The following BCAS3 variants were observed in gnomAD, a reference collection of about 807,000 sequenced individuals.
BCAS3 encodes the protein BCAS4/BCAS3 fusion.
Under a neutral mutation model 116.1 loss-of-function variants are expected in BCAS3, and 53 were observed. That is an observed-to-expected ratio of 0.46 (90% CI 0.37 to 0.57). BCAS3 has a LOEUF of 0.57. Ranked by LOEUF, BCAS3 falls within the 20% of genes least tolerant of loss-of-function variation. The pLI, the probability that BCAS3 is intolerant of heterozygous loss-of-function variation, is 0.00. For synonymous variants in BCAS3, 391 were observed against 408.2 expected (o/e 0.96, Z 0.51); for missense variants, 917 against 1,165.4 (o/e 0.79, Z 3.10).
Position 60,998,181 on chromosome 17 carries a change from CT to C in BCAS3, c.1486+7953del, listed in dbSNP as rs376226030. ...TTGCTGCAAAGGACACGATTTTATT[CT>C]TTTTTTATGGCTGCATAGTATTCCG... On this transcript the variant is annotated intron_variant, in intron 15 of 23. Coordinates refer to ENST00000407086, the MANE Select transcript of BCAS3 (RefSeq NM_017679.5). Among the ~76,000 whole-genome samples, 896 of 152,240 alleles carry C rather than the reference CT, an allele frequency of 5.9e-3. 13 individuals carry two copies. The highest frequency in any genetic ancestry group is 0.02 in the African/African-American group (850 of 41,546).
chr17:61,152,909 A>G (rs1254840210), intron 22 of BCAS3, among the ~76,000 whole-genome samples: 1 of 152,120 alleles, frequency 6.6e-6, no homozygotes, highest in African/African-American at 2.4e-5. Context: ...TTAAACTGTT[A>G]TTTTTGTACT....
chr17:61,145,170 A>C lies in BCAS3; in HGVS notation c.2425+60606A>C, dbSNP rs1432914789. The stretch of plus-strand genomic sequence containing the variant: ...ACTCGGAAATGGCAGCATTTTTCAA[A>C]GCTTCCTCCCACTGATGGCTGAAAT... On this transcript the variant is annotated intron_variant, in intron 22 of 23. Transcript: ENST00000407086. The surrounding 1 kb of genome is among the most constrained non-coding windows in gnomAD (Gnocchi z 5.0). Among the ~76,000 whole-genome samples, 1 of 152,178 alleles carries C rather than the reference A, an allele frequency of 6.6e-6. No homozygotes were observed. Among genetic ancestry groups the C allele is most frequent in the Non-Finnish European group, 1.5e-5 (1 of 68,018 alleles).
At chr17:61,143,689 A>G (rs911128746) in intron 22 of BCAS3, among the ~76,000 whole-genome samples, 1 of 152,138 alleles carries the variant, frequency 6.6e-6, no homozygotes, top group Non-Finnish European at 1.5e-5. Context: ...TGTGCATGTA[A>G]TCCCAGGTAC....
At chr17:61,170,646 T>G (rs886713381) in intron 22 of BCAS3, among the ~76,000 whole-genome samples, 2 of 152,150 alleles carry the variant, frequency 1.3e-5, no homozygotes. Context: ...AGGATAGTTA[T>G]CCCTGAAAGA....
chr17:60,955,040 G>A (rs1292252444), intron 14 of BCAS3, among the ~76,000 whole-genome samples: 1 of 151,880 alleles, frequency 6.6e-6, no homozygotes, highest in East Asian at 1.9e-4. Flanking sequence ...CCCCATTATA[G>A]TACTTATTAT....
At chr17:60,992,264 T>C (rs1056434249) in intron 15 of BCAS3, among the ~76,000 whole-genome samples, 1 of 149,492 alleles carries the variant, frequency 6.7e-6, no homozygotes, top group Admixed American at 6.7e-5. Context: ...ACTGAAAAAA[T>C]ATAGGTAAAT....
rs1438851937 is a variant in BCAS3, at chr17:61,118,169, G to A, written c.2425+33605G>A. 2.0e-5 allele frequency among the ~76,000 whole-genome samples: 3 copies of A among 152,142 alleles called. No individual in the cohort carries two copies. The highest frequency in any genetic ancestry group is 4.4e-5 in the Non-Finnish European group (3 of 68,032). On this transcript the variant is annotated intron_variant, in intron 22 of 23. Transcript: ENST00000407086. The surrounding 1 kb of genome is among the most constrained non-coding windows in gnomAD (Gnocchi z 5.0). ...GCTTTCTCTGGTATCACAATGGCAG[G>A]GGAAGTAGGATGTTCTACCTCGTTT...
At position 61,162,267 on chromosome 17, in the gene BCAS3, CCTAG is replaced by C. The variant is rs1328993673; in HGVS notation, c.2425+77704_2425+77707del. ...GTATGGTTCACATAGGAAGTGGGAGCCTAGTTAAGATTCCGATTCTCTGTGGGAT... is the reference window on the plus strand; with the variant it reads ...GTATGGTTCACATAGGAAGTGGGAGCTTAAGATTCCGATTCTCTGTGGGAT... On this transcript the variant is annotated intron_variant, in intron 22 of 23. Coordinates refer to ENST00000407086, the MANE Select transcript of BCAS3 (RefSeq NM_017679.5). The surrounding 1 kb of genome is among the most constrained non-coding windows in gnomAD (Gnocchi z 5.6). Among the ~76,000 whole-genome samples the C allele has an allele frequency of 1.3e-5, 2 of 151,940 alleles. No individual in the cohort carries two copies. Among genetic ancestry groups the C allele is most frequent in the African/African-American group, 4.8e-5 (2 of 41,360 alleles).
At chr17:61,155,494 C>CA (rs11327492) in intron 22 of BCAS3, among the ~76,000 whole-genome samples, 44 of 125,410 alleles carry the variant, frequency 3.5e-4, no homozygotes, top group African/African-American at 1.2e-3. Context: ...AGAGTGGTAG[C>CA]AAAAAAAAAA....
chr17:60,841,896 A>C (rs941555639), intron 7 of BCAS3, among the ~76,000 whole-genome samples: 3 of 152,046 alleles, frequency 2.0e-5, no homozygotes, highest in African/African-American at 7.3e-5. Flanking sequence ...TCCCAAAAAG[A>C]GTCTCTAGTG....
intron 5 of BCAS3, among the ~76,000 whole-genome samples, chr17:60,711,341 G>GTTTTT (rs1308764194): frequency 6.6e-6 from 1 of 151,986 alleles, no homozygotes; most frequent in Non-Finnish European, 1.5e-5. Flanking sequence ...AAATTTGGCA[G>GTTTTT]TGTTTTTTTT....
intron 22 of BCAS3, among the ~76,000 whole-genome samples, chr17:61,306,185 A>T (rs2053844301): frequency 6.6e-6 from 1 of 152,204 alleles, no homozygotes; most frequent in Non-Finnish European, 1.5e-5. Context: ...AATGGTGTAC[A>T]CCTGAGTCAT....
intron 9 of BCAS3, chr17:60,887,481 T>G (rs1170520399): frequency 6.6e-6 from 1 of 152,414 alleles, no homozygotes; most frequent in East Asian, 1.9e-4. Context: ...CCTCAATTGT[T>G]TAACTTTTAT....
chr17:60,812,496 A>G (rs1325802267), intron 7 of BCAS3, among the ~76,000 whole-genome samples: 1 of 152,136 alleles, frequency 6.6e-6, no homozygotes, highest in Non-Finnish European at 1.5e-5. Flanking sequence ...TCCTTAGGAG[A>G]AAAGACAGGA....
chr17:61,359,377 A>G (rs1174772071), intron 22 of BCAS3, among the ~76,000 whole-genome samples: 2 of 152,124 alleles, frequency 1.3e-5, no homozygotes, highest in Non-Finnish European at 2.9e-5. Context: ...CCTCCATTCT[A>G]CAAAATAGAA....
intron 22 of BCAS3, among the ~76,000 whole-genome samples, chr17:61,123,401 G>A (rs1056240470): frequency 3.3e-5 from 5 of 151,920 alleles, no homozygotes; most frequent in East Asian, 3.9e-4. Flanking sequence ...GATATAACTC[G>A]GACATATTCA....
At chr17:60,686,145 G>C (rs2034004749) in intron 3 of BCAS3, among the ~76,000 whole-genome samples, 1 of 152,072 alleles carries the variant, frequency 6.6e-6, no homozygotes, top group Non-Finnish European at 1.5e-5. Flanking sequence ...TGGGATTACA[G>C]GTGTGAGCCA....
At chr17:60,784,281 T>TA (rs1419213217) in intron 6 of BCAS3, among the ~76,000 whole-genome samples, 1 of 148,880 alleles carries the variant, frequency 6.7e-6, no homozygotes, top group Non-Finnish European at 1.5e-5. Flanking sequence ...GTGTTCTTTC[T>TA]AAAAAAATGA....
chr17:61,164,018 A>AC (rs1434452376), intron 22 of BCAS3, among the ~76,000 whole-genome samples: 1 of 150,428 alleles, frequency 6.6e-6, no homozygotes, highest in African/African-American at 2.4e-5. Flanking sequence ...AACCAAAAAA[A>AC]AAAAACCTCA....
Sources: allele counts gnomAD v4.1 joint callset (sites outside exome capture counted in the v4.1 genomes callset), GRCh38; gene constraint gnomAD v4.1.1; non-coding constraint Gnocchi (gnomAD v3.1); transcripts MANE v1.5; gene names NCBI Gene and HGNC (gene_info 2026-07-23, HGNC 2026-07-21).